TMEM182: variants seen among roughly 807,000 people sequenced by gnomAD.
The protein encoded by TMEM182 is transmembrane protein 182.
Under a neutral mutation model 26.8 loss-of-function variants are expected in TMEM182, and 20 were observed. The observed-to-expected ratio is 0.75, with a 90% CI of 0.53 to 1.09. The LOEUF is 1.09. TMEM182 is among the 50% of genes least tolerant of loss of function. TMEM182 has a pLI of 0.00. For synonymous variants in TMEM182, 109 were observed against 102.2 expected (o/e 1.07, Z -0.40); for missense variants, 277 against 275.5 (o/e 1.01, Z -0.04).
intron 3 of TMEM182, among the ~76,000 whole-genome samples, chr2:102,836,678 C>A (rs1296055166): frequency 6.6e-6 from 1 of 152,098 alleles, no homozygotes; most frequent in Admixed American, 6.5e-5. Flanking sequence ...GTTTGCTTGT[C>A]CACTCCCTGC....
At chr2:102,771,124 T>C (rs1356540712) in intron 3 of TMEM182, among the ~76,000 whole-genome samples, 1 of 152,252 alleles carries the variant, frequency 6.6e-6, no homozygotes, top group Non-Finnish European at 1.5e-5. Context: ...ACTTCCACTG[T>C]GTTTTAGTTA....
At chr2:102,778,787 G>A (rs564244816) in intron 3 of TMEM182, among the ~76,000 whole-genome samples, 1 of 152,072 alleles carries the variant, frequency 6.6e-6, no homozygotes, top group South Asian at 2.1e-4. Flanking sequence ...TTACCCTCTA[G>A]CAATTATAAT....
At chr2:102,764,288 CT>C (rs1319866183) in intron 2 of TMEM182, 40 bp from the exon 3 acceptor site, 3 of 1,593,174 alleles carry the variant, frequency 1.9e-6, no homozygotes, top group Non-Finnish European at 2.6e-6. Flanking sequence ...CATGACTGAG[CT>C]TTTCAATAAC....
chr2:102,809,352 A>G (rs1288120036), intron 4 of TMEM182, among the ~76,000 whole-genome samples: 1 of 152,148 alleles, frequency 6.6e-6, no homozygotes, highest in African/African-American at 2.4e-5. Context: ...ATAGCTTATC[A>G]AATTTCTTTT....
chr2:102,755,095 G>T (rs143578491), intron 1 of TMEM182, among the ~76,000 whole-genome samples: 3 of 152,076 alleles, frequency 2.0e-5, no homozygotes, highest in East Asian at 3.9e-4. Flanking sequence ...TAAGTGAATA[G>T]AGACCCTAAA....
rs772273346 is a variant in TMEM182, at chr2:102,762,673, G to A, written c.219G>A (p.Trp73Ter). 3 of 1,613,544 alleles carry A rather than the reference G, an allele frequency of 1.9e-6. No homozygotes were observed. The highest frequency in any genetic ancestry group is 2.5e-6 in the Non-Finnish European group (3 of 1,179,670). Residue 73 changes from tryptophan to a stop codon, truncating the protein, a stop_gained, in exon 2 of 5, where the codon TGG (tryptophan) becomes TGA (stop). Coordinates refer to ENST00000412401, the MANE Select transcript of TMEM182 (RefSeq NM_144632.5). LOFTEE classifies it high-confidence loss of function. ...TGGAAGAGAATGACTCCAATATTTGGAAGTTCTGGTACAGTAAGTACAATT... is the reference window on the plus strand; with the variant it reads ...TGGAAGAGAATGACTCCAATATTTGAAAGTTCTGGTACAGTAAGTACAATT... ...GIVEENDSNI[W>*]KFWYTNQPPS...
chr2:102,814,296 G>A (rs1324048465), intron 4 of TMEM182, among the ~76,000 whole-genome samples: 1 of 152,016 alleles, frequency 6.6e-6, no homozygotes, highest in Non-Finnish European at 1.5e-5. Context: ...ACCACTGTCT[G>A]TGTCTGTGTA....
At chr2:102,766,461 A>T (rs1375140643) in intron 3 of TMEM182, among the ~76,000 whole-genome samples, 1 of 152,198 alleles carries the variant, frequency 6.6e-6, no homozygotes, top group Non-Finnish European at 1.5e-5. Flanking sequence ...CTTTAGGTAG[A>T]AATGATTGAG....
intron 4 of TMEM182, among the ~76,000 whole-genome samples, chr2:102,803,303 C>T (rs890029094): frequency 5.3e-5 from 8 of 152,334 alleles, no homozygotes; most frequent in Middle Eastern, 3.4e-3. Flanking sequence ...AATCCTCTGC[C>T]ATGTGCGGCA....
chr2:102,785,942 C>A (rs940956917), intron 3 of TMEM182, among the ~76,000 whole-genome samples: 6 of 151,854 alleles, frequency 4.0e-5, no homozygotes, highest in Admixed American at 6.6e-5. Flanking sequence ...CAAGCAGATT[C>A]CAATTTAGTG....
chr2:102,832,665 G>T (rs1050338035), intron 3 of TMEM182, among the ~76,000 whole-genome samples: 1 of 152,148 alleles, frequency 6.6e-6, no homozygotes, highest in African/African-American at 2.4e-5. Context: ...AACAATAAGC[G>T]CAGGCTGTCA....
upstream of TMEM182, among the ~76,000 whole-genome samples, chr2:102,759,432 T>A (rs193287308): frequency 2.0e-4 from 30 of 152,216 alleles, no homozygotes; most frequent in East Asian, 5.6e-3. Context: ...CAAATCTTTT[T>A]TTTACCCCCA....
At chr2:102,828,045 C>T (rs940830890) in intron 3 of TMEM182, among the ~76,000 whole-genome samples, 1 of 152,190 alleles carries the variant, frequency 6.6e-6, no homozygotes, top group East Asian at 1.9e-4. Flanking sequence ...GAGCCGAGAT[C>T]GTGCCACTGC....
intron 3 of TMEM182, among the ~76,000 whole-genome samples, chr2:102,779,689 AT>A (rs112110293): frequency 1.8e-3 from 253 of 138,824 alleles, no homozygotes; most frequent in Admixed American, 2.2e-3. Flanking sequence ...CATACTTTCT[AT>A]TTTTTTTTTT....
intron 3 of TMEM182, among the ~76,000 whole-genome samples, chr2:102,787,224 C>A (rs1681432712): frequency 6.6e-6 from 1 of 152,200 alleles, no homozygotes; most frequent in Non-Finnish European, 1.5e-5. Flanking sequence ...TAACAAAATA[C>A]CACAGCCTGG....
chr2:102,831,449 G>A (rs975365045), intron 3 of TMEM182, among the ~76,000 whole-genome samples: 1 of 152,220 alleles, frequency 6.6e-6, no homozygotes, highest in Non-Finnish European at 1.5e-5. Context: ...TTAACATGCA[G>A]TCATCTTAAA....
intron 3 of TMEM182, chr2:102,775,556 A>G (rs547597699): frequency 1.3e-5 from 2 of 152,324 alleles, no homozygotes; most frequent in African/African-American, 4.8e-5. Flanking sequence ...AGACAGGAGA[A>G]GGAAATAAAG....
chr2:102,750,588 A>G (rs891073333), intron 1 of TMEM182, among the ~76,000 whole-genome samples: 1 of 152,186 alleles, frequency 6.6e-6, no homozygotes, highest in Non-Finnish European at 1.5e-5. Context: ...CGGGTATTCA[A>G]TGGGTGAATG....
chr2:102,766,968 G>T (rs1306445145), intron 3 of TMEM182, among the ~76,000 whole-genome samples: 1 of 152,174 alleles, frequency 6.6e-6, no homozygotes, highest in Non-Finnish European at 1.5e-5. Context: ...ATAATAAGGA[G>T]ACTGGGAATC....
Sources: gnomAD v4.1 joint callset for allele counts (sites outside exome capture counted in the v4.1 genomes callset) on GRCh38, gnomAD v4.1.1 for gene constraint, MANE v1.5 for transcripts, NCBI Gene and HGNC (gene_info 2026-07-23, HGNC 2026-07-21) for gene names.